MDGA2: variants seen among roughly 807,000 people sequenced by gnomAD.
The protein encoded by MDGA2 is MAM domain-containing glycosylphosphatidylinositol anchor protein 2.
MDGA2 carries 40 observed loss-of-function variants against 117.8 expected under a neutral mutation model. That is an observed-to-expected ratio of 0.34 (90% confidence interval 0.26 to 0.44). The LOEUF is 0.44. MDGA2 is among the 20% of genes least tolerant of loss of function. MDGA2 has a pLI of 1.00. For synonymous variants in MDGA2, 452 were observed against 439.0 expected, an observed-to-expected ratio of 1.03 and a Z score of -0.37; for missense variants, 1,123 against 1,250.6, an observed-to-expected ratio of 0.90 and a Z score of 1.54.
At chr14:47,416,336 G>A (rs746390143) in intron 1 of MDGA2, among the ~76,000 whole-genome samples, 1 of 152,160 alleles carries the variant, frequency 6.6e-6, no homozygotes, top group Non-Finnish European at 1.5e-5. Context: ...TACAGGTCCT[G>A]AGTGAGTCCA....
intron 13 of MDGA2, 124 bp downstream of exon 13, chr14:46,873,921 T>C (rs1882119824): frequency 3.4e-6 from 3 of 871,858 alleles, no homozygotes; most frequent in Non-Finnish European, 4.9e-6. Context: ...ATTGATACTG[T>C]ACAGAAAATT....
intron 3 of MDGA2, among the ~76,000 whole-genome samples, chr14:47,191,840 A>G (rs115403768): frequency 1.2e-3 from 178 of 152,060 alleles, no homozygotes; most frequent in African/African-American, 4.1e-3. Context: ...AGAACAGAGT[A>G]AAATGAACCC....
At chr14:47,186,912 T>G (rs1332274827) in intron 3 of MDGA2, among the ~76,000 whole-genome samples, 1 of 152,008 alleles carries the variant, frequency 6.6e-6, no homozygotes, top group Non-Finnish European at 1.5e-5. Flanking sequence ...CTTGTTTTGC[T>G]ATGAGTTTAT....
At chr14:47,199,260 T>A (rs1885402764) in intron 3 of MDGA2, among the ~76,000 whole-genome samples, 1 of 152,106 alleles carries the variant, frequency 6.6e-6, no homozygotes, top group South Asian at 2.1e-4. Context: ...TCTGATTTTT[T>A]AAATAAAGAC....
chr14:47,479,105 TA>T (rs1172252816), intron 1 of MDGA2, among the ~76,000 whole-genome samples: 1 of 152,218 alleles, frequency 6.6e-6, no homozygotes, highest in Non-Finnish European at 1.5e-5. Flanking sequence ...TAATAATTAC[TA>T]AATCATGATA....
chr14:47,595,489 A>T (rs2138866925), intron 1 of MDGA2, among the ~76,000 whole-genome samples: 1 of 150,552 alleles, frequency 6.6e-6, no homozygotes, highest in African/African-American at 2.4e-5. Flanking sequence ...AGCCAAGATC[A>T]CACCATCACG....
intron 1 of MDGA2, among the ~76,000 whole-genome samples, chr14:47,381,074 G>T (rs1376147768): frequency 1.3e-5 from 2 of 152,100 alleles, no homozygotes; most frequent in Admixed American, 1.3e-4. Flanking sequence ...ATCAGTAAAT[G>T]TAATCCAGCA....
intron 8 of MDGA2, 105 bp from the exon 9 acceptor site, chr14:46,957,748 G>C: frequency 5.5e-6 from 7 of 1,270,116 alleles, no homozygotes; most frequent in Non-Finnish European, 7.7e-6. Flanking sequence ...CAGCAATAGA[G>C]GAGGAGTGTA....
chr14:47,052,076 TTAACTC>T (rs1400536679), intron 7 of MDGA2, among the ~76,000 whole-genome samples: 3 of 152,008 alleles, frequency 2.0e-5, no homozygotes, highest in Admixed American at 1.3e-4. Context: ...AAGTGTTTCT[TTAACTC>T]TAATACATCA....
intron 1 of MDGA2, among the ~76,000 whole-genome samples, chr14:47,440,547 T>C (rs991559848): frequency 5.3e-5 from 8 of 152,146 alleles, no homozygotes; most frequent in Non-Finnish European, 7.4e-5. Flanking sequence ...TGGGCAATTT[T>C]ATATAAACGC....
At chr14:47,638,113 A>C (rs755914626) in intron 1 of MDGA2, among the ~76,000 whole-genome samples, 1 of 152,212 alleles carries the variant, frequency 6.6e-6, no homozygotes, top group Non-Finnish European at 1.5e-5. Context: ...ACAGTCAGAA[A>C]TACTCAGTAG....
chr14:46,908,803 C>G (rs11848288), intron 10 of MDGA2, among the ~76,000 whole-genome samples: 1,936 of 152,204 alleles, frequency 0.013, 42 homozygotes, highest in African/African-American at 0.043. Flanking sequence ...GAAATTATTG[C>G]TTCATTTCAA....
rs191330595 is a variant in MDGA2 at position 47,420,237 on chromosome 14, C to G, written c.281-118687G>C. Among the ~76,000 whole-genome samples, 3 of 152,240 alleles carry G rather than the reference C, an allele frequency of 2.0e-5. No individual in the cohort carries two copies. In the East Asian group the frequency reaches 5.8e-4, roughly 29 times the overall value. ...ACTGTAATAACTGACAAGACACCAA[C>G]TGACATCAATCTCTTCAGAAATAAT... On this transcript the variant is annotated intron_variant, in intron 1 of 16. Transcript: ENST00000399232.
Position 47,080,639 on chromosome 14 carries a change from C to T in MDGA2, c.1195+16215G>A, listed in dbSNP as rs1890675834. 5.3e-5 allele frequency among the ~76,000 whole-genome samples: 8 copies of T among 152,172 alleles called. No homozygotes were observed. In the South Asian group the frequency reaches 1.7e-3, roughly 31 times the overall value. ...CAGCAAAAGCTATGGCCTTTTACTT[C>T]ACTAAAACAGCATTAAGTATAAATG... On this transcript the variant is annotated intron_variant, in intron 6 of 16. Transcript: ENST00000399232.
intron 1 of MDGA2, among the ~76,000 whole-genome samples, chr14:47,379,677 C>T (rs1211394933): frequency 6.6e-6 from 1 of 152,144 alleles, no homozygotes. Context: ...GCTAACTATC[C>T]TAAACATATA....
At chr14:47,106,946 G>A (rs1880728891) in intron 5 of MDGA2, among the ~76,000 whole-genome samples, 1 of 123,462 alleles carries the variant, frequency 8.1e-6, no homozygotes, top group Admixed American at 8.2e-5. Context: ...CCCTTATTAG[G>A]CCGAGACACT....
chr14:47,398,744 A>C (rs900625430), intron 1 of MDGA2, among the ~76,000 whole-genome samples: 4 of 152,194 alleles, frequency 2.6e-5, no homozygotes, highest in Admixed American at 2.0e-4. Context: ...CCTAATATGT[A>C]GCACAAACTT....
intron 5 of MDGA2, among the ~76,000 whole-genome samples, chr14:47,126,552 T>C (rs1881914083): frequency 6.6e-6 from 1 of 152,036 alleles, no homozygotes; most frequent in African/African-American, 2.4e-5. Flanking sequence ...TATTTCACAG[T>C]AGGAAAGTTA....
intron 8 of MDGA2, among the ~76,000 whole-genome samples, chr14:46,983,122 A>G: frequency 6.6e-6 from 1 of 152,118 alleles, no homozygotes; most frequent in Non-Finnish European, 1.5e-5. Flanking sequence ...TTGATAAAAA[A>G]ACTGATGCAA....
Sources: allele counts gnomAD v4.1 joint callset (sites outside exome capture counted in the v4.1 genomes callset), GRCh38; gene constraint gnomAD v4.1.1; transcripts MANE v1.5; gene names NCBI Gene and HGNC (gene_info 2026-07-23, HGNC 2026-07-21).